Variants in TNIK observed in about 807,000 individuals in gnomAD.
TNIK encodes TRAF2 and NCK-interacting protein kinase.
A neutral mutation model predicts 191.3 loss-of-function variants in TNIK; 49 were observed. That is an observed-to-expected ratio of 0.26 (90% confidence interval 0.20 to 0.32). The LOEUF is 0.32. TNIK is among the 10% of genes least tolerant of loss of function. The probability of loss-of-function intolerance (pLI) is 1.00; values close to 1 mark genes in which losing one functional copy is unlikely to be tolerated. For missense variants in TNIK, 1,155 were observed against 1,702.3 expected, an observed-to-expected ratio of 0.68 and a Z score of 5.66; for synonymous variants, 594 against 600.9, an observed-to-expected ratio of 0.99 and a Z score of 0.17.
intron 2 of TNIK, among the ~76,000 whole-genome samples, chr3:171,314,679 T>A (rs1486908626): frequency 6.6e-6 from 1 of 151,964 alleles, no homozygotes; most frequent in Non-Finnish European, 1.5e-5. Flanking sequence ...CTCCAAAACC[T>A]CATAATCTAC....
chr3:171,298,785 C>T (rs1261972159), intron 2 of TNIK, among the ~76,000 whole-genome samples: 2 of 152,178 alleles, frequency 1.3e-5, no homozygotes, highest in East Asian at 1.9e-4. Context: ...GTTCCTGCAG[C>T]ACATCTATCC....
chr3:171,428,379 C>A (rs993321242), intron 1 of TNIK, among the ~76,000 whole-genome samples: 1 of 152,080 alleles, frequency 6.6e-6, no homozygotes, highest in Non-Finnish European at 1.5e-5. Flanking sequence ...CCCCAGAAAC[C>A]AGAAAAATGG....
chr3:171,095,164 C>T (rs1722549464), intron 22 of TNIK, among the ~76,000 whole-genome samples: 1 of 152,152 alleles, frequency 6.6e-6, no homozygotes, highest in African/African-American at 2.4e-5. Flanking sequence ...GAGAAGGTAA[C>T]AGGATCTCAG....
chr3:171,281,316 G>A (rs1398656314), intron 2 of TNIK, among the ~76,000 whole-genome samples: 4 of 152,168 alleles, frequency 2.6e-5, no homozygotes, highest in Non-Finnish European at 2.9e-5. Context: ...GCATTACACA[G>A]TCAACAAGCT....
At chr3:171,378,714 G>A (rs1451206996) in intron 1 of TNIK, among the ~76,000 whole-genome samples, 1 of 152,080 alleles carries the variant, frequency 6.6e-6, no homozygotes, top group Non-Finnish European at 1.5e-5. Flanking sequence ...CATTTGCAGC[G>A]AGGATTTCTG....
At chr3:171,270,251 C>A (rs965008281) in intron 2 of TNIK, among the ~76,000 whole-genome samples, 23 of 152,248 alleles carry the variant, frequency 1.5e-4, no homozygotes, top group African/African-American at 5.3e-4. Flanking sequence ...CATGAGAATA[C>A]CCCCGTAGTA....
intron 2 of TNIK, among the ~76,000 whole-genome samples, chr3:171,339,530 C>T (rs924037768): frequency 3.3e-5 from 5 of 152,200 alleles, no homozygotes; most frequent in Admixed American, 6.5e-5. Context: ...CAGAGATCTG[C>T]GTCTGTTTGT....
intron 18 of TNIK, among the ~76,000 whole-genome samples, chr3:171,118,434 A>G (rs1001911661): frequency 5.3e-5 from 8 of 152,348 alleles, no homozygotes; most frequent in African/African-American, 1.9e-4. Flanking sequence ...ATTGGAAAAA[A>G]CTACTTTAAA....
At chr3:171,080,913 A>C (rs926586437) in intron 27 of TNIK, among the ~76,000 whole-genome samples, 2 of 152,158 alleles carry the variant, frequency 1.3e-5, no homozygotes, top group Non-Finnish European at 2.9e-5. Context: ...CCTCCTTTCT[A>C]TGCCAATATG....
chr3:171,408,465 G>A (rs888089925), intron 1 of TNIK, among the ~76,000 whole-genome samples: 1 of 152,126 alleles, frequency 6.6e-6, no homozygotes, highest in South Asian at 2.1e-4. Context: ...GATTCATTCC[G>A]CCATGAAGGA....
chr3:171,284,607 C>T lies in TNIK; in HGVS notation c.124-56386G>A, dbSNP rs563338036. Among the ~76,000 whole-genome samples the T allele has an allele frequency of 8.3e-4, 91 of 109,124 alleles. 1 individual carries two copies. The highest frequency in any genetic ancestry group is 1.4e-3 in the Non-Finnish European group (67 of 49,106). The allele number at this position is 109,124 out of a possible 152,430, so 71.6% of individuals were successfully genotyped here. A position where few individuals can be genotyped will look rare whatever the true frequency, so the allele number is the denominator to read the frequency against. On this transcript the variant is annotated intron_variant, in intron 2 of 32. Transcript: ENST00000436636. ...CATTTCTTAATAAACCTCCTGCATGCTAAAAAAAAAATAAAAAATAAAATC... is the reference window on the plus strand; with the variant it reads ...CATTTCTTAATAAACCTCCTGCATGTTAAAAAAAAAATAAAAAATAAAATC...
rs766633079 is a variant in TNIK at position 171,084,318 on chromosome 3, A to C, written c.3006T>G (p.Phe1002Leu). 32 of 1,611,198 alleles carry C rather than the reference A, an allele frequency of 2.0e-5. No homozygotes were observed. The highest frequency in any genetic ancestry group is 2.6e-5 in the Non-Finnish European group (31 of 1,177,958). ...EDEESSAAAL[F>L]TSELLRQEQA... Reference sequence around the variant, plus strand: ...GTTCTTGCCTAAGAAGTTCGCTAGTAAACAGAGCTTTGAGAAAAAGAATCA... The same window carrying C: ...GTTCTTGCCTAAGAAGTTCGCTAGTCAACAGAGCTTTGAGAAAAAGAATCA... Residue 1002 changes from phenylalanine (F) to leucine (L), a missense_variant, in exon 26 of 33, where the codon TTT becomes TTG. This residue lies in a region of TNIK where 735 missense variants were observed against 848.0 expected (regional missense o/e 0.87). Transcript: ENST00000436636.
Position 171,079,459 on chromosome 3 carries a change from C to G in TNIK, c.3448+59G>C, listed in dbSNP as rs145592266. The G allele has an allele frequency of 5.6e-4, 868 of 1,559,076 alleles. 1 individual carries two copies. The highest frequency in any genetic ancestry group is 6.6e-4 in the Non-Finnish European group (764 of 1,151,848). On this transcript the variant is annotated intron_variant, in intron 28 of 32. Coordinates refer to ENST00000436636, the MANE Select transcript of TNIK (RefSeq NM_015028.4). ...ATAGAAAAAACTAGGTGAAACCTAA[C>G]TAAGTAAGTCTGATTGAGTAAACAG...
At chr3:171,225,198 C>A (rs1388671562) in intron 3 of TNIK, among the ~76,000 whole-genome samples, 1 of 152,080 alleles carries the variant, frequency 6.6e-6, no homozygotes, top group Non-Finnish European at 1.5e-5. Context: ...ACACAATAGA[C>A]AACATGGCAA....
intron 2 of TNIK, among the ~76,000 whole-genome samples, chr3:171,322,458 T>C (rs1755261803): frequency 6.6e-6 from 1 of 152,152 alleles, no homozygotes; most frequent in Non-Finnish European, 1.5e-5. Context: ...ATTTAGTAAA[T>C]ACCTTTCAGA....
rs942755311 is a variant in TNIK, at chr3:171,089,469, C to T, written c.2722-1963G>A. 3.9e-5 allele frequency among the ~76,000 whole-genome samples: 6 copies of T among 152,112 alleles called. No individual in the cohort carries two copies. In the South Asian group the frequency reaches 8.3e-4, roughly 21 times the overall value. On this transcript the variant is annotated intron_variant, in intron 23 of 32. Transcript: ENST00000436636. ...TGTCATCTCTTTGGAATTTTTTGGCCTCTCTTGTATCAGCAGCACTCTTTC... is the reference window on the plus strand; with the variant it reads ...TGTCATCTCTTTGGAATTTTTTGGCTTCTCTTGTATCAGCAGCACTCTTTC...
In TNIK at chr3:171,219,063, T is replaced by TAAATATATATTTTATA. The variant is rs1560278658; in HGVS notation, c.181-7823_181-7822insTATAAAATATATATTT. On this transcript the variant is annotated intron_variant, in intron 3 of 32. Transcript: ENST00000436636. The stretch of plus-strand genomic sequence containing the variant: ...ATTAAATTATATTTAATATAATATA[T>TAAATATATATTTTATA]TAAATATATAAATATATATTTTATA... Among the ~76,000 whole-genome samples, 12 of 51,950 alleles carry TAAATATATATTTTATA rather than the reference T, an allele frequency of 2.3e-4. No individual in the cohort carries two copies. In the South Asian group the frequency reaches 2.5e-3, roughly 11 times the overall value. The allele number at this position is 51,950 out of a possible 152,430, so 34.1% of individuals were successfully genotyped here.
At chr3:171,386,296 G>A (rs1718720227) in intron 1 of TNIK, among the ~76,000 whole-genome samples, 1 of 152,226 alleles carries the variant, frequency 6.6e-6, no homozygotes, top group Non-Finnish European at 1.5e-5. Context: ...CTGGGTCCCA[G>A]AGAATCTGTG....
In TNIK at chr3:171,108,309, C is replaced by T. The variant is rs114639345; in HGVS notation, c.2285-147G>A. ...CCTGGGCAAATCCTCAAGAAACATC[C>T]ATGAAAAATATAATGTTCAGGCAAA... On this transcript the variant is annotated intron_variant, in intron 19 of 32. Coordinates refer to ENST00000436636, the MANE Select transcript of TNIK (RefSeq NM_015028.4). 4.6e-3 allele frequency: 2,655 copies of T among 582,742 alleles called. 55 individuals carry two copies. The highest frequency in any genetic ancestry group is 0.044 in the African/African-American group (2,295 of 52,670). 36.1% of individuals were successfully genotyped at this position (582,742 alleles called of 1,614,324 possible).
Sources: gnomAD v4.1 joint callset for allele counts (sites outside exome capture counted in the v4.1 genomes callset) on GRCh38, gnomAD v4.1.1 for gene constraint, gnomAD v4.1.1 regional missense constraint, MANE v1.5 for transcripts, NCBI Gene and HGNC (gene_info 2026-07-23, HGNC 2026-07-21) for gene names.